UBE4B: variants seen among roughly 807,000 people sequenced by gnomAD.
The protein encoded by UBE4B is ubiquitination factor E4B.
UBE4B carries 27 observed loss-of-function variants against 148.1 expected under a neutral mutation model. The ratio of observed to expected loss-of-function variants is 0.18; its 90% CI spans 0.13 to 0.25. The LOEUF is 0.25. Ranked by LOEUF, UBE4B falls within the 10% of genes least tolerant of loss-of-function variation. The pLI, the probability that UBE4B is intolerant of heterozygous loss-of-function variation, is 1.00. For missense variants in UBE4B, 1,170 were observed against 1,662.4 expected (o/e 0.70, Z 5.15); for synonymous variants, 596 against 619.3 (o/e 0.96, Z 0.56).
intron 10 of UBE4B, among the ~76,000 whole-genome samples, chr1:10,126,323 A>G (rs186181900): frequency 6.6e-6 from 1 of 151,990 alleles, no homozygotes; most frequent in Non-Finnish European, 1.5e-5. Flanking sequence ...AGATAGATAG[A>G]TAGATAGATA....
rs780168290 is a variant in UBE4B at position 10,106,196 on chromosome 1, G to A, written c.810-1G>A. The A allele has an allele frequency of 8.2e-6, 13 of 1,580,100 alleles. No homozygotes were observed. Among genetic ancestry groups the A allele is most frequent in the Non-Finnish European group, 1.0e-5 (12 of 1,158,984 alleles). ...TTTCCTCCCTTTCTCAACTAATTTA[G>A]CCTCTATGAAAGTAGTCCGGCTCCC... On this transcript the variant is annotated splice_acceptor_variant, in intron 6 of 27. Transcript: ENST00000343090. LOFTEE classifies it high-confidence loss of function. This position sits in a 1 kb window ranked among gnomAD's most constrained non-coding sequence, Gnocchi z 4.2.
rs376198911 is a variant in UBE4B at position 10,079,831 on chromosome 1, A to G, written c.211+7617A>G. ...CTTAATGATTATTTAACTTAAAATT[A>G]TTCTTTAACATGTTGACTCAAATGG... On this transcript the variant is annotated intron_variant, in intron 2 of 27. Transcript: ENST00000343090. Among the ~76,000 whole-genome samples the G allele has an allele frequency of 1.3e-4, 20 of 152,320 alleles. 1 individual carries two copies. In the South Asian group the frequency reaches 4.1e-3, roughly 32 times the overall value.
At chr1:10,116,527 CT>C (rs1339077372) in intron 7 of UBE4B, among the ~76,000 whole-genome samples, 2 of 152,176 alleles carry the variant, frequency 1.3e-5, no homozygotes. Context: ...GTACTCCTTA[CT>C]TTTTCCTGTC....
At chr1:10,036,436 A>C (rs189263292) in intron 1 of UBE4B, among the ~76,000 whole-genome samples, 164 of 152,226 alleles carry the variant, frequency 1.1e-3, no homozygotes, top group African/African-American at 3.8e-3. Flanking sequence ...TGGTTCAATA[A>C]CTGTTAATTT....
intron 24 of UBE4B, among the ~76,000 whole-genome samples, chr1:10,170,732 T>G (rs1274386788): frequency 6.6e-6 from 1 of 152,208 alleles, no homozygotes; most frequent in East Asian, 1.9e-4. Context: ...GGGAAAAAAG[T>G]TTATGAAATA....
chr1:10,075,657 A>G (rs898365411), intron 2 of UBE4B, among the ~76,000 whole-genome samples: 1 of 152,236 alleles, frequency 6.6e-6, no homozygotes, highest in Non-Finnish European at 1.5e-5. Flanking sequence ...ACAGTTGGAT[A>G]TTATTAGCCA....
At chr1:10,086,794 A>G (rs980024513) in intron 2 of UBE4B, among the ~76,000 whole-genome samples, 3 of 151,980 alleles carry the variant, frequency 2.0e-5, no homozygotes, top group African/African-American at 7.3e-5. Flanking sequence ...GGTTCAAGCA[A>G]TTCTCGTGCC....
At chr1:10,094,240 G>A (rs1432030417) in intron 2 of UBE4B, among the ~76,000 whole-genome samples, 2 of 152,090 alleles carry the variant, frequency 1.3e-5, no homozygotes, top group Non-Finnish European at 2.9e-5. Flanking sequence ...CTCTGTGAGG[G>A]CAACAAAGTG....
At chr1:10,057,153 G>C (rs1003140011) in intron 1 of UBE4B, among the ~76,000 whole-genome samples, 6 of 151,974 alleles carry the variant, frequency 3.9e-5, no homozygotes, top group Non-Finnish European at 5.9e-5. Context: ...AATATTTTAA[G>C]TATTATGGGT....
chr1:10,071,522 A>G (rs1402371686), intron 1 of UBE4B, among the ~76,000 whole-genome samples: 1 of 152,196 alleles, frequency 6.6e-6, no homozygotes, highest in African/African-American at 2.4e-5. Flanking sequence ...CAGGAGTTCA[A>G]GGCTGCAGTG....
intron 2 of UBE4B, among the ~76,000 whole-genome samples, chr1:10,079,360 A>G (rs1644638931): frequency 2.0e-5 from 3 of 152,158 alleles, no homozygotes; most frequent in Admixed American, 1.3e-4. Flanking sequence ...GAGTTTCACC[A>G]TGTTGACCAG....
intron 21 of UBE4B, among the ~76,000 whole-genome samples, chr1:10,157,885 T>G (rs2102002875): frequency 6.6e-6 from 1 of 152,284 alleles, no homozygotes; most frequent in South Asian, 2.1e-4. Context: ...TTTAATAGAT[T>G]TAGGGATGAT....
At chr1:10,142,646 G>A (rs1645801816) in intron 17 of UBE4B, among the ~76,000 whole-genome samples, 2 of 151,338 alleles carry the variant, frequency 1.3e-5, no homozygotes, top group Admixed American at 1.3e-4. Flanking sequence ...ACTCCAGCCT[G>A]GGAGACAGAG....
At chr1:10,143,649 G>A (rs905326925) in intron 17 of UBE4B, among the ~76,000 whole-genome samples, 3 of 152,146 alleles carry the variant, frequency 2.0e-5, no homozygotes, top group Non-Finnish European at 4.4e-5. Flanking sequence ...ATTCGGATGC[G>A]ACAAGTTTGG....
chr1:10,160,276 G>A (rs535923156), intron 22 of UBE4B, among the ~76,000 whole-genome samples: 18 of 152,246 alleles, frequency 1.2e-4, no homozygotes, highest in South Asian at 4.1e-4. Context: ...TCTTCCATGC[G>A]TCAGTCTTTG....
chr1:10,155,088 T>A (rs61782929), intron 21 of UBE4B, among the ~76,000 whole-genome samples: 106 of 134,898 alleles, frequency 7.9e-4, no homozygotes, highest in African/African-American at 3.1e-3. Context: ...AGAGAGAGTG[T>A]GTGTGTGTGT....
rs542226644 is a variant in UBE4B at position 10,110,227 on chromosome 1, G to A, written c.1196+3644G>A. Among the ~76,000 whole-genome samples the A allele has an allele frequency of 2.1e-4, 32 of 152,282 alleles. No individual in the cohort carries two copies. In the South Asian group the frequency reaches 6.6e-3, roughly 32 times the overall value. ...TATAAATCTTTTTGGAAGTAGTTGG[G>A]ACATACATTTATATGTTAAGTATTT... On this transcript the variant is annotated intron_variant, in intron 7 of 27. Coordinates refer to ENST00000343090, the MANE Select transcript of UBE4B (RefSeq NM_001105562.3).
chr1:10,171,796 G>A (rs752797981), intron 25 of UBE4B, among the ~76,000 whole-genome samples: 2 of 152,246 alleles, frequency 1.3e-5, no homozygotes, highest in Non-Finnish European at 1.5e-5. Context: ...CAGGAGAATC[G>A]CTTGAACCCA....
At chr1:10,126,916 T>A in intron 11 of UBE4B, 39 bp downstream of exon 11, 1 of 1,515,904 alleles carries the variant, frequency 6.6e-7, no homozygotes. Context: ...ATTCAATAGA[T>A]GTTTTTCTTT....
Sources: gnomAD v4.1 joint callset for allele counts (sites outside exome capture counted in the v4.1 genomes callset) on GRCh38, gnomAD v4.1.1 for gene constraint, Gnocchi (gnomAD v3.1) non-coding constraint, MANE v1.5 for transcripts, NCBI Gene and HGNC (gene_info 2026-07-23, HGNC 2026-07-21) for gene names.